NHSL2: variants seen among roughly 807,000 people sequenced by gnomAD.
NHSL2 encodes the protein NHS-like protein 2.
Under a neutral mutation model 53.4 loss-of-function variants are expected in NHSL2, and 27 were observed. The observed-to-expected ratio is 0.51, with a 90% CI of 0.37 to 0.70. The LOEUF is 0.70. Among genes scored for constraint, NHSL2 ranks in the 30% least tolerant of loss-of-function variants. The pLI, the probability that NHSL2 is intolerant of heterozygous loss-of-function variation, is 0.00. For missense variants in NHSL2, 892 were observed against 980.1 expected (o/e 0.91, Z 1.20); for synonymous variants, 408 against 404.1 (o/e 1.01, Z -0.12).
chrX:72,105,607 G>A (rs2042031397), intron 1 of NHSL2, among the ~76,000 whole-genome samples: 1 of 111,113 alleles, frequency 9.0e-6, no homozygotes, highest in South Asian at 3.8e-4. Context: ...AGCCACCATG[G>A]AAACAGTCTC....
chrX:72,081,171 C>A (rs2041788714), intron 1 of NHSL2, among the ~76,000 whole-genome samples: 2 of 112,253 alleles, frequency 1.8e-5, no homozygotes, highest in Non-Finnish European at 3.8e-5. Flanking sequence ...CCATGAGGAC[C>A]ACGTGCTGTT....
At chrX:71,981,044 G>C (rs1401378408) in intron 1 of NHSL2, among the ~76,000 whole-genome samples, 1 of 112,295 alleles carries the variant, frequency 8.9e-6, no homozygotes, top group Non-Finnish European at 1.9e-5. Flanking sequence ...CGACATAACT[G>C]TAAGAGCTCA....
At chrX:72,136,035 A>G (rs900526077) in intron 4 of NHSL2, among the ~76,000 whole-genome samples, 8 of 111,134 alleles carry the variant, frequency 7.2e-5, no homozygotes, top group Non-Finnish European at 1.5e-4. Flanking sequence ...CTTTGTCTCT[A>G]AATAAATAAA....
intron 1 of NHSL2, among the ~76,000 whole-genome samples, chrX:71,928,276 C>CA (rs2041695462): frequency 8.9e-6 from 1 of 111,925 alleles, no homozygotes; most frequent in African/African-American, 3.3e-5. Context: ...TATAGGACTG[C>CA]ACACAGCCAT....
chrX:71,987,827 C>G (rs1465994782), intron 1 of NHSL2, among the ~76,000 whole-genome samples: 1 of 112,388 alleles, frequency 8.9e-6, no homozygotes, highest in Non-Finnish European at 1.9e-5. Context: ...AGACACAAAG[C>G]CTTAGCTACT....
At chrX:72,135,603 G>A (rs2042349643) in intron 4 of NHSL2, among the ~76,000 whole-genome samples, 1 of 112,239 alleles carries the variant, frequency 8.9e-6, no homozygotes, top group African/African-American at 3.2e-5. Context: ...CCCTGGATAT[G>A]GGGTCCTCCA....
chrX:71,924,424 A>G (rs1255891965), intron 1 of NHSL2, among the ~76,000 whole-genome samples: 2 of 111,541 alleles, frequency 1.8e-5, no homozygotes, highest in African/African-American at 6.5e-5. Flanking sequence ...GGAGGCAGAG[A>G]CTGCCAGTAT....
At chrX:72,140,833 G>A (rs2042413105) in intron 6 of NHSL2, 62 bp downstream of exon 6, 1 of 945,125 alleles carries the variant, frequency 1.1e-6, no homozygotes, top group African/African-American at 1.9e-5. Flanking sequence ...TGAGAATGGA[G>A]TGCCAGAGAT....
At chrX:72,096,536 T>A (rs1221631982) in intron 1 of NHSL2, among the ~76,000 whole-genome samples, 13 of 112,396 alleles carry the variant, frequency 1.2e-4, no homozygotes, top group African/African-American at 4.2e-4. Context: ...GGATAATATA[T>A]GGCATTCTAG....
intron 1 of NHSL2, among the ~76,000 whole-genome samples, chrX:72,092,037 T>C (rs2041904701): frequency 9.0e-6 from 1 of 111,454 alleles, no homozygotes; most frequent in Non-Finnish European, 1.9e-5. Context: ...GAACTCAAGA[T>C]CCAGGTTCAG....
At chrX:72,060,483 A>G (rs1011944131) in intron 1 of NHSL2, among the ~76,000 whole-genome samples, 3 of 112,667 alleles carry the variant, frequency 2.7e-5, no homozygotes, top group African/African-American at 9.7e-5. Flanking sequence ...TTGTAACATA[A>G]AGAAGTTTTG....
In NHSL2 at chrX:72,132,181, G is replaced by A; in HGVS notation, c.383G>A (p.Ser128Asn). 3.4e-6 allele frequency: 4 copies of A among 1,166,867 alleles called. No homozygotes were observed. The highest frequency in any genetic ancestry group is 4.6e-6 in the Non-Finnish European group (4 of 872,373). Residue 128 changes from serine to asparagine, a missense_variant, in exon 2 of 8, where the codon AGT (serine) becomes AAT (asparagine). Physicochemically the swap from Ser to Asn is conservative, Grantham distance 46 (BLOSUM62 1). Transcript: ENST00000633930. ...NVFLSSGRPP[S>N]VEELLREAQL... ...TTCCTCTCCTCGGGCAGGCCCCCGA[G>A]TGTAGAGGAGCTGCTTCGGGAGGCG...
rs1459232742 is a variant in NHSL2, at chrX:71,980,560, GGTGTGTGGGGTGTGTGTGT to G, written c.280+69201_280+69219del. On this transcript the variant is annotated intron_variant, in intron 1 of 7. Coordinates refer to ENST00000633930, the MANE Select transcript of NHSL2 (RefSeq NM_001013627.3). ...AAACAGTGTGTGTGTGTGTGTGTGG[GGTGTGTGGGGTGTGTGTGT>G]GTGTGTGTGTGTGTGTGTGTGTGTG... 7.9e-3 allele frequency among the ~76,000 whole-genome samples: 782 copies of G among 99,397 alleles called. 5 individuals are homozygous for G. The highest frequency in any genetic ancestry group is 0.015 in the Middle Eastern group (3 of 200). The allele number at this position is 99,397 out of a possible 115,157, so 86.3% of individuals were successfully genotyped here.
intron 1 of NHSL2, among the ~76,000 whole-genome samples, chrX:72,013,553 T>G (rs1359908382): frequency 9.3e-6 from 1 of 107,967 alleles, no homozygotes; most frequent in Non-Finnish European, 1.9e-5. Flanking sequence ...TTTTTTTGCC[T>G]TATTACACTG....
At chrX:71,962,808 T>A (rs1006152714) in intron 1 of NHSL2, among the ~76,000 whole-genome samples, 5 of 108,651 alleles carry the variant, frequency 4.6e-5, no homozygotes, top group Non-Finnish European at 9.5e-5. Flanking sequence ...TTTTTTTTTA[T>A]TTAATTTTTT....
intron 1 of NHSL2, among the ~76,000 whole-genome samples, chrX:71,985,208 T>C (rs867712710): frequency 1.8e-5 from 2 of 111,494 alleles, no homozygotes; most frequent in Non-Finnish European, 3.8e-5. Flanking sequence ...TACCCATAAG[T>C]TGAGTAAATC....
intron 1 of NHSL2, among the ~76,000 whole-genome samples, chrX:72,021,353 C>G (rs1415512142): frequency 8.9e-6 from 1 of 112,195 alleles, no homozygotes; most frequent in Non-Finnish European, 1.9e-5. Context: ...CCCTTTCCCT[C>G]CAGTTCACTG....
chrX:71,945,811 G>A (rs907184338), intron 1 of NHSL2, among the ~76,000 whole-genome samples: 6 of 111,515 alleles, frequency 5.4e-5, no homozygotes, highest in African/African-American at 1.6e-4. Flanking sequence ...TTTATTGAGC[G>A]CTTACTGTGT....
chrX:72,130,668 T>C (rs1211550529), intron 1 of NHSL2: 1 of 1,212,028 alleles, frequency 8.3e-7, no homozygotes, highest in South Asian at 1.8e-5. Context: ...CCATTTCTGT[T>C]GACCATAAGA....
Sources: gnomAD v4.1 joint callset for allele counts (sites outside exome capture counted in the v4.1 genomes callset) on GRCh38, gnomAD v4.1.1 for gene constraint, MANE v1.5 for transcripts, NCBI Gene and HGNC (gene_info 2026-07-23, HGNC 2026-07-21) for gene names.